The following NELL1 variants were observed in gnomAD, a reference collection of about 807,000 sequenced individuals.
NELL1 encodes protein kinase C-binding protein NELL1.
NELL1 carries 76 observed loss-of-function variants against 107.4 expected under a neutral mutation model. The ratio of observed to expected loss-of-function variants is 0.71; its 90% CI spans 0.59 to 0.86. The LOEUF (loss-of-function observed/expected upper bound fraction) is 0.86, where lower values mean the gene tolerates loss of function less well. Among genes scored for constraint, NELL1 ranks in the 40% least tolerant of loss-of-function variants. The probability of loss-of-function intolerance (pLI) is 0.00; values close to 1 mark genes in which losing one functional copy is unlikely to be tolerated. For synonymous variants in NELL1, 353 were observed against 341.2 expected (o/e 1.03, Z -0.38); for missense variants, 1,024 against 1,005.5 (o/e 1.02, Z -0.25).
At chr11:21,296,454 T>A (rs1329351718) in intron 14 of NELL1, among the ~76,000 whole-genome samples, 2 of 151,912 alleles carry the variant, frequency 1.3e-5, no homozygotes, top group African/African-American at 4.8e-5. Context: ...AATCATCAAG[T>A]TGTATACTTT....
At chr11:21,196,510 C>A (rs1056010481) in intron 13 of NELL1, among the ~76,000 whole-genome samples, 3 of 152,060 alleles carry the variant, frequency 2.0e-5, no homozygotes, top group Non-Finnish European at 4.4e-5. Context: ...CCTGGGAACA[C>A]CCCAGGATAA....
intron 14 of NELL1, among the ~76,000 whole-genome samples, chr11:21,338,769 CA>C (rs1165440231): frequency 6.6e-6 from 1 of 152,020 alleles, no homozygotes; most frequent in Non-Finnish European, 1.5e-5. Context: ...AAAACTTGAG[CA>C]AAATGTTTAT....
At chr11:21,408,891 A>T (rs1852297722) in intron 15 of NELL1, among the ~76,000 whole-genome samples, 2 of 152,044 alleles carry the variant, frequency 1.3e-5, no homozygotes, top group African/African-American at 4.8e-5. Context: ...ATACCATCTC[A>T]CACCAATTAG....
Position 20,676,879 on chromosome 11 carries a change from A to G in NELL1, c.56-1053A>G, listed in dbSNP as rs1235524747. 3.3e-5 allele frequency among the ~76,000 whole-genome samples: 5 copies of G among 152,346 alleles called. No homozygotes were observed. The East Asian group carries it at 5.8e-4, about 18-fold the overall frequency. On this transcript the variant is annotated intron_variant, in intron 1 of 19. Transcript: ENST00000357134. ...CCAACAGCACAGTCAAAATTGCACT[A>G]TTGAGATGGTATGTGTAGATAGACA... is the stretch of plus-strand genomic sequence containing the variant.
intron 3 of NELL1, among the ~76,000 whole-genome samples, chr11:20,800,494 T>C (rs1286057969): frequency 6.6e-6 from 1 of 152,232 alleles, no homozygotes; most frequent in East Asian, 1.9e-4. Flanking sequence ...TTGTATGTCT[T>C]CTTTTGGGAT....
chr11:20,956,574 A>G (rs560311552), intron 11 of NELL1, among the ~76,000 whole-genome samples: 264 of 150,506 alleles, frequency 1.8e-3, no homozygotes, highest in African/African-American at 6.3e-3. Context: ...TGAACCCGGG[A>G]GGCAGAGCTT....
chr11:21,506,030 A>G (rs1211930616), intron 15 of NELL1, among the ~76,000 whole-genome samples: 1 of 152,214 alleles, frequency 6.6e-6, no homozygotes, highest in Non-Finnish European at 1.5e-5. Context: ...ATGATACCCT[A>G]ATGTGGTAAA....
intron 15 of NELL1, among the ~76,000 whole-genome samples, chr11:21,424,812 CA>C (rs1400977992): frequency 3.9e-5 from 6 of 152,066 alleles, no homozygotes; most frequent in Non-Finnish European, 8.8e-5. Flanking sequence ...AATCTCCCAA[CA>C]AAGTAAAGCA....
intron 14 of NELL1, among the ~76,000 whole-genome samples, chr11:21,333,385 C>T (rs891802247): frequency 1.3e-5 from 2 of 151,962 alleles, no homozygotes; most frequent in African/African-American, 2.4e-5. Flanking sequence ...ATCATCACTA[C>T]GGCCACCATC....
chr11:20,766,261 A>G (rs977051850), intron 2 of NELL1, among the ~76,000 whole-genome samples: 1 of 152,164 alleles, frequency 6.6e-6, no homozygotes, highest in Non-Finnish European at 1.5e-5. Context: ...AGGAGCAACT[A>G]TTTTCATGTG....
At chr11:21,483,064 T>C in intron 15 of NELL1, among the ~76,000 whole-genome samples, 1 of 152,106 alleles carries the variant, frequency 6.6e-6, no homozygotes. Context: ...CCATTAGGCC[T>C]CTATAATCTT....
chr11:20,872,671 GGTGTGTGTGTGTGTGT>G (rs61184129), intron 4 of NELL1, among the ~76,000 whole-genome samples: 3 of 137,094 alleles, frequency 2.2e-5, no homozygotes, highest in Admixed American at 7.4e-5. Context: ...CAGTGTTTGA[GGTGTGTGTGTGTGTGT>G]GTGTGTGTGT....
intron 15 of NELL1, among the ~76,000 whole-genome samples, chr11:21,397,290 G>A (rs1490982327): frequency 6.6e-6 from 1 of 151,410 alleles, no homozygotes; most frequent in Non-Finnish European, 1.5e-5. Context: ...TGAGCATCAG[G>A]CATGAATAGA....
chr11:21,523,987 G>A (rs1004389467), intron 15 of NELL1, among the ~76,000 whole-genome samples: 1 of 151,942 alleles, frequency 6.6e-6, no homozygotes, highest in Non-Finnish European at 1.5e-5. Flanking sequence ...TTAAATCCCT[G>A]CTACTATACC....
At chr11:20,718,165 C>A (rs952580212) in intron 2 of NELL1, among the ~76,000 whole-genome samples, 1 of 152,152 alleles carries the variant, frequency 6.6e-6, no homozygotes, top group Admixed American at 6.5e-5. Context: ...TCCAGAGCAG[C>A]ATTATCCAAT....
chr11:21,221,354 TG>T (rs1857751803), intron 13 of NELL1, among the ~76,000 whole-genome samples: 1 of 152,192 alleles, frequency 6.6e-6, no homozygotes, highest in Admixed American at 6.5e-5. Flanking sequence ...TTCTTTGTAA[TG>T]TTTTTGTCTG....
intron 12 of NELL1, among the ~76,000 whole-genome samples, chr11:21,046,408 T>A (rs1853354925): frequency 6.6e-6 from 1 of 152,150 alleles, no homozygotes; most frequent in Admixed American, 6.6e-5. Flanking sequence ...CTAGATTGGG[T>A]TTAGCATGCC....
intron 12 of NELL1, among the ~76,000 whole-genome samples, chr11:21,063,608 G>A (rs1590600102): frequency 6.6e-6 from 1 of 152,142 alleles, no homozygotes; most frequent in East Asian, 1.9e-4. Context: ...AAATTTCAAG[G>A]ATTTTAGAAG....
chr11:21,462,584 T>C (rs1056456212), intron 15 of NELL1, among the ~76,000 whole-genome samples: 3 of 152,066 alleles, frequency 2.0e-5, no homozygotes, highest in African/African-American at 7.2e-5. Flanking sequence ...GATATTTGGA[T>C]GGGAAGGCAA....
Sources: gnomAD v4.1 joint callset for allele counts (sites outside exome capture counted in the v4.1 genomes callset) on GRCh38, gnomAD v4.1.1 for gene constraint, MANE v1.5 for transcripts, NCBI Gene and HGNC (gene_info 2026-07-23, HGNC 2026-07-21) for gene names.